FSTL5: variants seen among roughly 807,000 people sequenced by gnomAD.
FSTL5 encodes follistatin like 5.
Under a neutral mutation model 89.1 loss-of-function variants are expected in FSTL5, and 62 were observed. The ratio of observed to expected loss-of-function variants is 0.70; its 90% CI spans 0.57 to 0.86. FSTL5 has a LOEUF of 0.86. Ranked by LOEUF, FSTL5 falls within the 40% of genes least tolerant of loss-of-function variation. The pLI is 0.00. For missense variants in FSTL5, 1,057 were observed against 1,001.6 expected, an observed-to-expected ratio of 1.06 and a Z score of -0.75; for synonymous variants, 383 against 346.2, an observed-to-expected ratio of 1.11 and a Z score of -1.18.
At chr4:162,151,000 T>A (rs1226128521) in intron 1 of FSTL5, among the ~76,000 whole-genome samples, 2 of 152,128 alleles carry the variant, frequency 1.3e-5, no homozygotes, top group African/African-American at 4.8e-5. Context: ...GATCAACTAA[T>A]TGCAAAAATG....
chr4:161,489,555 C>T (rs1371129715), intron 12 of FSTL5, among the ~76,000 whole-genome samples: 1 of 151,976 alleles, frequency 6.6e-6, no homozygotes, highest in Admixed American at 6.6e-5. Flanking sequence ...AAGTTGGAAT[C>T]AAAGAATTAG....
At chr4:161,791,976 T>C (rs1294455449) in intron 4 of FSTL5, among the ~76,000 whole-genome samples, 2 of 152,118 alleles carry the variant, frequency 1.3e-5, no homozygotes, top group Non-Finnish European at 2.9e-5. Flanking sequence ...CCTTCCAAGA[T>C]GGCCGGTTGG....
At chr4:161,895,627 C>T (rs1733132692) in intron 4 of FSTL5, among the ~76,000 whole-genome samples, 1 of 152,058 alleles carries the variant, frequency 6.6e-6, no homozygotes, top group Non-Finnish European at 1.5e-5. Context: ...GCAGAAATAG[C>T]ATGGCAAGCA....
At chr4:161,712,781 C>T (rs754060975) in intron 6 of FSTL5, among the ~76,000 whole-genome samples, 42 of 149,876 alleles carry the variant, frequency 2.8e-4, no homozygotes, top group Admixed American at 1.5e-3. Flanking sequence ...CCTCACCTCT[C>T]TCTCTCTTTC....
intron 6 of FSTL5, among the ~76,000 whole-genome samples, chr4:161,752,333 C>T (rs1035236742): frequency 6.6e-6 from 1 of 152,116 alleles, no homozygotes; most frequent in Non-Finnish European, 1.5e-5. Context: ...TTTCCTTTCT[C>T]GCAAAGGCTA....
chr4:162,118,022 G>A (rs941659532), intron 1 of FSTL5, among the ~76,000 whole-genome samples: 2 of 152,094 alleles, frequency 1.3e-5, no homozygotes, highest in Admixed American at 6.5e-5. Context: ...ATCAAAACTA[G>A]GCTTTCAATG....
chr4:161,587,250 C>A (rs543041998), intron 8 of FSTL5, among the ~76,000 whole-genome samples: 3 of 149,902 alleles, frequency 2.0e-5, no homozygotes, highest in African/African-American at 7.3e-5. Flanking sequence ...TATTTTATAA[C>A]AAAAATAGTA....
chr4:161,905,154 G>A (rs1192446615), intron 4 of FSTL5, among the ~76,000 whole-genome samples: 1 of 151,788 alleles, frequency 6.6e-6, no homozygotes, highest in Non-Finnish European at 1.5e-5. Context: ...ATTAAATTAG[G>A]AAAAATTCTC....
intron 2 of FSTL5, among the ~76,000 whole-genome samples, chr4:162,045,274 G>A (rs1738127456): frequency 6.6e-6 from 1 of 152,048 alleles, no homozygotes; most frequent in South Asian, 2.1e-4. Flanking sequence ...CAGGGAATAG[G>A]GAGGCCTGAT....
intron 15 of FSTL5, among the ~76,000 whole-genome samples, chr4:161,450,588 G>A (rs1296528860): frequency 6.6e-6 from 1 of 152,008 alleles, no homozygotes; most frequent in East Asian, 1.9e-4. Context: ...TATAACAACT[G>A]AGTTGTATAA....
At chr4:161,646,847 C>T (rs539103400) in intron 7 of FSTL5, among the ~76,000 whole-genome samples, 77 of 152,164 alleles carry the variant, frequency 5.1e-4, no homozygotes, top group Non-Finnish European at 8.7e-4. Context: ...TTTATTATTA[C>T]TATTTTTATT....
At chr4:161,743,886 T>C (rs558495708) in intron 6 of FSTL5, among the ~76,000 whole-genome samples, 2 of 152,336 alleles carry the variant, frequency 1.3e-5, no homozygotes, top group South Asian at 4.1e-4. Flanking sequence ...GCATCTGCAA[T>C]CGTGTTTTAG....
chr4:161,454,970 C>T, intron 15 of FSTL5, 34 bp downstream of exon 15: 1 of 1,597,992 alleles, frequency 6.3e-7, no homozygotes, highest in Non-Finnish European at 8.6e-7. Context: ...AGAGACAAAT[C>T]TTTAAAAAGT....
intron 3 of FSTL5, among the ~76,000 whole-genome samples, chr4:161,980,998 G>T (rs1166379213): frequency 1.3e-5 from 2 of 151,924 alleles, no homozygotes; most frequent in African/African-American, 2.4e-5. Context: ...GACCTCAGAT[G>T]ATCTGCCTGC....
intron 2 of FSTL5, among the ~76,000 whole-genome samples, chr4:162,095,317 C>T (rs1024801597): frequency 1.3e-5 from 2 of 151,996 alleles, no homozygotes; most frequent in Admixed American, 1.3e-4. Flanking sequence ...TTCTATAGTC[C>T]ATTTAGTTGG....
chr4:162,153,635 A>ATATGTATATT (rs1733317732), intron 1 of FSTL5, among the ~76,000 whole-genome samples: 1 of 122,342 alleles, frequency 8.2e-6, no homozygotes, highest in Non-Finnish European at 1.7e-5. Flanking sequence ...TGTATATAAT[A>ATATGTATATT]ATATATGTAT....
intron 8 of FSTL5, among the ~76,000 whole-genome samples, chr4:161,564,142 A>G (rs1168962528): frequency 6.6e-6 from 1 of 151,754 alleles, no homozygotes; most frequent in African/African-American, 2.4e-5. Flanking sequence ...GATAAATCTC[A>G]GCCAGCCTAA....
At chr4:162,162,083 C>A (rs1733717142) in intron 1 of FSTL5, among the ~76,000 whole-genome samples, 1 of 152,006 alleles carries the variant, frequency 6.6e-6, no homozygotes, top group Non-Finnish European at 1.5e-5. Flanking sequence ...TGAACAACTT[C>A]AAAAGATTTA....
At chr4:161,528,614 G>T (rs1731310383) in intron 10 of FSTL5, among the ~76,000 whole-genome samples, 1 of 143,044 alleles carries the variant, frequency 7.0e-6, no homozygotes, top group African/African-American at 2.5e-5. Context: ...CCTTACCCCA[G>T]AGTTTGGGCA....
Sources: gnomAD v4.1 joint callset for allele counts (sites outside exome capture counted in the v4.1 genomes callset) on GRCh38, gnomAD v4.1.1 for gene constraint, MANE v1.5 for transcripts, NCBI Gene and HGNC (gene_info 2026-07-23, HGNC 2026-07-21) for gene names.